TTC7B: variants seen among roughly 807,000 people sequenced by gnomAD.
The protein encoded by TTC7B is tetratricopeptide repeat protein 7B.
In TTC7B, 28 loss-of-function variants were observed where a neutral mutation model predicts 106.8. That is an observed-to-expected ratio of 0.26 (90% CI 0.19 to 0.36). The LOEUF is 0.36. TTC7B is among the 10% of genes least tolerant of loss of function. The pLI, the probability that TTC7B is intolerant of heterozygous loss-of-function variation, is 1.00. For synonymous variants in TTC7B, 405 were observed against 430.6 expected (o/e 0.94, Z 0.74); for missense variants, 862 against 1,076.4 (o/e 0.80, Z 2.79).
At position 90,534,571 on chromosome 14, in the gene TTC7B, C is replaced by CTCA. The variant is rs1240730741; in HGVS notation, c.*6796_*6797insTGA. On this transcript the variant is annotated 3_prime_UTR_variant, in exon 20 of 20. Coordinates refer to ENST00000328459, the MANE Select transcript of TTC7B (RefSeq NM_001010854.2). ...TGTCCCCTCACTGGGCAATGCCCAC[C>CTCA]CTGTCGGCCTTGAGAGGTGGTGGGG... 1.3e-5 allele frequency: 2 copies of CTCA among 152,476 alleles called. No individual in the cohort carries two copies. The highest frequency in any genetic ancestry group is 2.4e-5 in the African/African-American group (1 of 41,432). The allele number at this position is 152,476 out of a possible 1,614,324, so 9.4% of individuals were successfully genotyped here.
chr14:90,782,072 C>T (rs72695524), intron 2 of TTC7B, among the ~76,000 whole-genome samples: 6,507 of 152,300 alleles, frequency 0.043, 177 homozygotes, highest in Non-Finnish European at 0.058. Flanking sequence ...GTGGACAACA[C>T]GGCCAGGTAG....
At chr14:90,754,697 C>T (rs1269167320) in intron 3 of TTC7B, among the ~76,000 whole-genome samples, 2 of 152,168 alleles carry the variant, frequency 1.3e-5, no homozygotes, top group African/African-American at 4.8e-5. Context: ...TTCATCACCC[C>T]TTGAAAAGCC....
intron 18 of TTC7B, among the ~76,000 whole-genome samples, chr14:90,579,691 A>G: frequency 6.6e-6 from 1 of 152,052 alleles, no homozygotes; most frequent in Non-Finnish European, 1.5e-5. Flanking sequence ...CCCAACTACT[A>G]GGGAGGCTGA....
Position 90,578,038 on chromosome 14 carries a change from G to A in TTC7B, c.2310+68C>T. The A allele has an allele frequency of 6.5e-7, 1 of 1,529,020 alleles. No homozygotes were observed. The highest frequency in any genetic ancestry group is 8.8e-7 in the Non-Finnish European group (1 of 1,130,596). The allele number at this position is 1,529,020 out of a possible 1,614,324, so 94.7% of individuals were successfully genotyped here. On this transcript the variant is annotated intron_variant, in intron 19 of 19. Transcript: ENST00000328459. The surrounding 1 kb of genome is among the most constrained non-coding windows in gnomAD (Gnocchi z 4.7). ...GCAGAAGAGGGTGTGAGGGTCATGT[G>A]CTACCTGCCGCTTCCAAGGGCTGTC... is the stretch of plus-strand genomic sequence containing the variant.
chr14:90,561,095 CTG>C (rs1268258379), intron 19 of TTC7B, among the ~76,000 whole-genome samples: 1 of 152,218 alleles, frequency 6.6e-6, no homozygotes, highest in African/African-American at 2.4e-5. Context: ...CCCCATGCAT[CTG>C]TGTGGTGCGG....
In TTC7B at chr14:90,524,929, T is replaced by C. The variant is rs1171911165; in HGVS notation, c.*16439A>G. ...AACAAAAAAACAAAAAACAGCCTTA[T>C]GAAGATGTGATTGGCACGTAGTAAA... On this transcript the variant is annotated 3_prime_UTR_variant, in exon 20 of 20. Coordinates refer to ENST00000328459, the MANE Select transcript of TTC7B (RefSeq NM_001010854.2). The C allele has an allele frequency of 6.6e-6, 1 of 152,008 alleles. No individual in the cohort carries two copies. Among genetic ancestry groups the C allele is most frequent in the East Asian group, 1.9e-4 (1 of 5,170 alleles). The allele number at this position is 152,008 out of a possible 1,614,324, so 9.4% of individuals were successfully genotyped here.
In TTC7B at chr14:90,780,809, A is replaced by G; in HGVS notation, c.374T>C (p.Leu125Pro). The G allele has an allele frequency of 6.2e-7, 1 of 1,614,298 alleles. No homozygotes were observed. The highest frequency in any genetic ancestry group is 2.2e-5 in the East Asian group (1 of 44,894). The change falls in exon 3 of 20, where the codon CTG (leucine) becomes CCG (proline). Residue 125 changes from leucine (L) to proline (P), a missense_variant. By Grantham distance (98) the Leu-to-Pro change is moderately conservative. Transcript: ENST00000328459. ...GACAGCTGTCAGTGGCAGATCGTCC[A>G]GGCCCACCCGGGCGTAAATGTTCAG... ...EALNIYARVG[L>P]DDLPLTAVPP...
chr14:90,658,170 C>A (rs931927390), intron 10 of TTC7B, 134 bp downstream of exon 10: 1 of 742,150 alleles, frequency 1.3e-6, no homozygotes, highest in Non-Finnish European at 2.3e-6. Context: ...TCACTGAGAA[C>A]GGACCACGAT....
intron 3 of TTC7B, among the ~76,000 whole-genome samples, chr14:90,762,976 A>C (rs1300769581): frequency 1.3e-5 from 2 of 152,240 alleles, no homozygotes; most frequent in Non-Finnish European, 2.9e-5. Context: ...AAATACTTAA[A>C]GAACTACCAC....
intron 9 of TTC7B, among the ~76,000 whole-genome samples, chr14:90,665,530 C>T (rs547232407): frequency 1.0e-3 from 155 of 152,284 alleles, no homozygotes; most frequent in African/African-American, 3.4e-3. Flanking sequence ...AAACTGGGTG[C>T]GCGGCAGCGA....
chr14:90,668,515 G>T (rs866263646), intron 9 of TTC7B, among the ~76,000 whole-genome samples: 1 of 152,182 alleles, frequency 6.6e-6, no homozygotes, highest in African/African-American at 2.4e-5. Context: ...ATACAAAGGA[G>T]ATTTTTACAT....
rs66522045 is a variant in TTC7B, at chr14:90,663,450, G to GT, written c.1153-5064dup. On this transcript the variant is annotated intron_variant, in intron 9 of 19. Coordinates refer to ENST00000328459, the MANE Select transcript of TTC7B (RefSeq NM_001010854.2). This position sits in a 1 kb window ranked among gnomAD's most constrained non-coding sequence, Gnocchi z 4.5. Reference sequence around the variant, plus strand: ...ACTGTTTCAGAGACTCAGCGATATGGTTTTTTTTTTGCTGCTAATGGGGAC... The same window carrying GT: ...ACTGTTTCAGAGACTCAGCGATATGGTTTTTTTTTTTGCTGCTAATGGGGAC... 0.17 allele frequency among the ~76,000 whole-genome samples: 26,101 copies of GT among 150,090 alleles called. 2,327 individuals carry two copies. Among genetic ancestry groups the GT allele is most frequent in the Non-Finnish European group, 0.2 (13,730 of 67,322 alleles).
intron 15 of TTC7B, among the ~76,000 whole-genome samples, 157 bp from the exon 16 acceptor site, chr14:90,618,202 C>A (rs1027045864): frequency 6.6e-6 from 1 of 152,198 alleles, no homozygotes; most frequent in East Asian, 1.9e-4. Context: ...GATTCCAGAA[C>A]TCCTGGCTCA....
chr14:90,673,327 T>C (rs1335436754), intron 9 of TTC7B, among the ~76,000 whole-genome samples: 2 of 152,250 alleles, frequency 1.3e-5, no homozygotes, highest in East Asian at 1.9e-4. Flanking sequence ...ATATTTTGCA[T>C]GTATTGTTTG....
At chr14:90,568,939 C>T (rs1179638103) in intron 19 of TTC7B, among the ~76,000 whole-genome samples, 1 of 152,206 alleles carries the variant, frequency 6.6e-6, no homozygotes, top group Non-Finnish European at 1.5e-5. Context: ...TAGCTTACAT[C>T]ATAAGAAAAC....
intron 19 of TTC7B, among the ~76,000 whole-genome samples, chr14:90,568,383 G>C (rs1375021505): frequency 1.3e-5 from 2 of 152,184 alleles, no homozygotes; most frequent in African/African-American, 4.8e-5. Flanking sequence ...TAAATGGTTC[G>C]GCTAGAGTAT....
chr14:90,603,575 C>G (rs1025203989), intron 17 of TTC7B, among the ~76,000 whole-genome samples: 2 of 152,044 alleles, frequency 1.3e-5, no homozygotes, highest in Non-Finnish European at 2.9e-5. Flanking sequence ...ATTTTGTTTC[C>G]AGAGCAGGAA....
chr14:90,662,519 T>C (rs971469786), intron 9 of TTC7B, among the ~76,000 whole-genome samples: 2 of 152,152 alleles, frequency 1.3e-5, no homozygotes, highest in Admixed American at 6.5e-5. Flanking sequence ...CCCCAACAAG[T>C]TGTAGAGCTT....
chr14:90,709,820 G>T (rs1398547727), intron 5 of TTC7B, among the ~76,000 whole-genome samples: 1 of 151,314 alleles, frequency 6.6e-6, no homozygotes, highest in Non-Finnish European at 1.5e-5. Context: ...AATATTAATT[G>T]ACATCAACCC....
Sources: allele counts gnomAD v4.1 joint callset (sites outside exome capture counted in the v4.1 genomes callset), GRCh38; gene constraint gnomAD v4.1.1; non-coding constraint Gnocchi (gnomAD v3.1); transcripts MANE v1.5; gene names NCBI Gene and HGNC (gene_info 2026-07-23, HGNC 2026-07-21).